SLMAP: variants seen among roughly 807,000 people sequenced by gnomAD.
SLMAP encodes the protein sarcolemmal membrane-associated protein.
In SLMAP, 44 loss-of-function variants were observed where a neutral mutation model predicts 128.8. That is an observed-to-expected ratio of 0.34 (90% confidence interval 0.27 to 0.44). The LOEUF is 0.44. Ranked by LOEUF, SLMAP falls within the 20% of genes least tolerant of loss-of-function variation. SLMAP has a pLI of 1.00. For missense variants in SLMAP, 787 were observed against 985.3 expected (o/e 0.80, Z 2.69); for synonymous variants, 327 against 348.8 (o/e 0.94, Z 0.70).
At chr3:57,845,674 A>C (rs1026224472) in intron 4 of SLMAP, among the ~76,000 whole-genome samples, 1 of 152,152 alleles carries the variant, frequency 6.6e-6, no homozygotes, top group Non-Finnish European at 1.5e-5. Context: ...ACAGTATCTT[A>C]CAGGGATTTG....
chr3:57,830,681 T>A (rs2093279356), intron 2 of SLMAP, among the ~76,000 whole-genome samples: 1 of 152,176 alleles, frequency 6.6e-6, no homozygotes, highest in Non-Finnish European at 1.5e-5. Context: ...ACCACTAATT[T>A]TAGAATATTT....
chr3:57,782,615 G>T (rs1393588341), intron 2 of SLMAP, among the ~76,000 whole-genome samples: 1 of 152,146 alleles, frequency 6.6e-6, no homozygotes, highest in Non-Finnish European at 1.5e-5. Flanking sequence ...TGGGACTACA[G>T]GTGTGCACCA....
intron 15 of SLMAP, among the ~76,000 whole-genome samples, chr3:57,895,901 C>T (rs2096231988): frequency 6.6e-6 from 1 of 151,440 alleles, no homozygotes; most frequent in African/African-American, 2.4e-5. Context: ...CTGTGTTTGT[C>T]CCACTGCACT....
At position 57,909,195 on chromosome 3, in the gene SLMAP, G is replaced by A. The variant is rs149329275; in HGVS notation, c.1699+45G>A. On this transcript the variant is annotated intron_variant, in intron 19 of 24. Coordinates refer to ENST00000671191, the MANE Select transcript of SLMAP (RefSeq NM_001377540.1). The stretch of plus-strand genomic sequence containing the variant: ...TCTTTGAGATTGTTATTGTGTGTTT[G>A]TTTTTAGTGATTCAAAAGGAATGGA... 4.2e-4 allele frequency: 595 copies of A among 1,409,904 alleles called. 3 individuals carry two copies. In the African/African-American group the frequency reaches 7.3e-3, roughly 17 times the overall value. The allele number at this position is 1,409,904 out of a possible 1,614,324, so 87.3% of individuals were successfully genotyped here.
At chr3:57,759,103 T>C (rs1483449361) in intron 2 of SLMAP, among the ~76,000 whole-genome samples, 1 of 152,210 alleles carries the variant, frequency 6.6e-6, no homozygotes, top group Non-Finnish European at 1.5e-5. Context: ...GAAAAGATTG[T>C]CCAAGTGCTG....
chr3:57,920,860 C>G (rs532417748), intron 22 of SLMAP, among the ~76,000 whole-genome samples: 1 of 151,778 alleles, frequency 6.6e-6, no homozygotes, highest in Admixed American at 6.6e-5. Flanking sequence ...ACTAAAAATA[C>G]AAAAAAATTA....
chr3:57,786,811 G>A (rs2153468840), intron 2 of SLMAP, among the ~76,000 whole-genome samples: 2 of 146,854 alleles, frequency 1.4e-5, no homozygotes, highest in South Asian at 4.3e-4. Context: ...TCGGCTCACT[G>A]CAAGCTCCGC....
At chr3:57,846,711 C>G (rs1034458572) in intron 4 of SLMAP, among the ~76,000 whole-genome samples, 2 of 151,906 alleles carry the variant, frequency 1.3e-5, no homozygotes, top group African/African-American at 2.4e-5. Flanking sequence ...TGTGCGCCAC[C>G]ACGCCCAGCT....
intron 13 of SLMAP, among the ~76,000 whole-genome samples, chr3:57,869,630 T>TTATATATATATATATATA (rs55916379): frequency 0.024 from 1,777 of 74,836 alleles, 33 homozygotes; most frequent in East Asian, 0.042. Flanking sequence ...CCCATCTCTA[T>TTATATATATATATATATA]TATATATATA....
At chr3:57,906,179 A>G (rs2096534825) in intron 17 of SLMAP, among the ~76,000 whole-genome samples, 1 of 151,634 alleles carries the variant, frequency 6.6e-6, no homozygotes, top group African/African-American at 2.4e-5. Context: ...AGCTAATGCA[A>G]CAGTGTTTCT....
intron 4 of SLMAP, among the ~76,000 whole-genome samples, chr3:57,843,645 A>G: frequency 6.6e-6 from 1 of 151,808 alleles, no homozygotes; most frequent in East Asian, 1.9e-4. Flanking sequence ...GGCCTGGTCA[A>G]TAATTTTCTA....
intron 14 of SLMAP, among the ~76,000 whole-genome samples, chr3:57,888,113 G>T (rs2095950558): frequency 6.6e-6 from 1 of 152,104 alleles, no homozygotes; most frequent in African/African-American, 2.4e-5. Context: ...AAAGAGGAAG[G>T]TGGGGATATA....
In SLMAP at chr3:57,906,301, T is replaced by TTTTTTTTC. The variant is rs1491164431; in HGVS notation, c.1502-1576_1502-1575insCTTTTTTT. On this transcript the variant is annotated intron_variant, in intron 17 of 24. Coordinates refer to ENST00000671191, the MANE Select transcript of SLMAP (RefSeq NM_001377540.1). ...CTGAACCCAGAATCAAATTTTTTTCTTTTTTTTTCTTTTTTTTTTTTTTTT... is the reference window on the plus strand; with the variant it reads ...CTGAACCCAGAATCAAATTTTTTTCTTTTTTTTCTTTTTTTTCTTTTTTTTTTTTTTTT... Among the ~76,000 whole-genome samples the TTTTTTTTC allele has an allele frequency of 2.7e-3, 254 of 95,296 alleles. 3 individuals carry two copies. Among genetic ancestry groups the TTTTTTTTC allele is most frequent in the African/African-American group, 8.8e-3 (237 of 26,834 alleles). The allele number at this position is 95,296 out of a possible 152,430, so 62.5% of individuals were successfully genotyped here.
At chr3:57,805,709 A>G (rs910918310) in intron 2 of SLMAP, among the ~76,000 whole-genome samples, 6 of 152,122 alleles carry the variant, frequency 3.9e-5, no homozygotes, top group African/African-American at 1.4e-4. Context: ...AGTTCTCTAT[A>G]TGATAAAGGT....
chr3:57,922,730 A>C (rs1018357611), intron 22 of SLMAP, among the ~76,000 whole-genome samples, 159 bp from the exon 23 acceptor site: 1 of 152,040 alleles, frequency 6.6e-6, no homozygotes, highest in Non-Finnish European at 1.5e-5. Flanking sequence ...CCCGGCCAAA[A>C]GACTTCTTAT....
intron 2 of SLMAP, among the ~76,000 whole-genome samples, chr3:57,762,362 C>T (rs2078854675): frequency 6.7e-6 from 1 of 149,648 alleles, no homozygotes; most frequent in African/African-American, 2.5e-5. Context: ...ATGTGAGACT[C>T]TGTCTCAAAA....
chr3:57,900,325 C>T (rs1293957028), intron 17 of SLMAP: 1 of 152,122 alleles, frequency 6.6e-6, no homozygotes, highest in African/African-American at 2.4e-5. Flanking sequence ...AGTACCTTTT[C>T]CCTGATATAG....
chr3:57,846,751 G>C (rs976839598), intron 4 of SLMAP, among the ~76,000 whole-genome samples: 4 of 151,896 alleles, frequency 2.6e-5, no homozygotes, highest in African/African-American at 9.7e-5. Flanking sequence ...TAGAGACAGG[G>C]TTTCATCATG....
Position 57,865,309 on chromosome 3 carries a change from A to T in SLMAP, c.1237+17A>T. The stretch of plus-strand genomic sequence containing the variant: ...CAGAAAAAGGTAGTGTAAAAAACTT[A>T]AATATATATATACTTTTTATGATAT... On this transcript the variant is annotated intron_variant, in intron 13 of 24. Coordinates refer to ENST00000671191, the MANE Select transcript of SLMAP (RefSeq NM_001377540.1). 1 of 1,068,934 alleles carries T rather than the reference A, an allele frequency of 9.4e-7. No homozygotes were observed. The allele number at this position is 1,068,934 out of a possible 1,614,324, so 66.2% of individuals were successfully genotyped here. A position where few individuals can be genotyped will look rare whatever the true frequency, so the allele number is the denominator to read the frequency against.
Sources: allele counts gnomAD v4.1 joint callset (sites outside exome capture counted in the v4.1 genomes callset), GRCh38; gene constraint gnomAD v4.1.1; transcripts MANE v1.5; gene names NCBI Gene and HGNC (gene_info 2026-07-23, HGNC 2026-07-21).